The following ZNF782 variants were observed in gnomAD, a reference collection of about 807,000 sequenced individuals.
The protein encoded by ZNF782 is zinc finger protein 782.
A neutral mutation model predicts 13.0 loss-of-function variants in ZNF782; 12 were observed. The ratio of observed to expected loss-of-function variants is 0.92; its 90% CI spans 0.59 to 1.50. The LOEUF (loss-of-function observed/expected upper bound fraction) is 1.50, where lower values mean the gene tolerates loss of function less well. Ranked by LOEUF, ZNF782 falls within the 40% of genes most tolerant of loss-of-function variation. The probability of loss-of-function intolerance (pLI) is 0.00; values close to 1 mark genes in which losing one functional copy is unlikely to be tolerated. For synonymous variants in ZNF782, 284 were observed against 283.0 expected, an observed-to-expected ratio of 1.00 and a Z score of -0.04; for missense variants, 770 against 822.9, an observed-to-expected ratio of 0.94 and a Z score of 0.79.
chr9:96,837,354 A>G (rs903994626), intron 4 of ZNF782, among the ~76,000 whole-genome samples: 1 of 152,108 alleles, frequency 6.6e-6, no homozygotes, highest in Admixed American at 6.6e-5. Flanking sequence ...CTTTATAATC[A>G]GTTTTATTTC....
the ZNF782 span, among the ~76,000 whole-genome samples, chr9:96,912,051 A>C: frequency 2.6e-5 from 4 of 151,100 alleles, no homozygotes; most frequent in African/African-American, 9.7e-5. Flanking sequence ...AATACAAAAA[A>C]TCAGCCGGGC....
the ZNF782 span, among the ~76,000 whole-genome samples, chr9:96,911,728 G>A: frequency 6.6e-6 from 1 of 151,382 alleles, no homozygotes; most frequent in Non-Finnish European, 1.5e-5. Context: ...CACCGTGTTA[G>A]CGAGGATGGT....
At position 96,817,768 on chromosome 9, in the gene ZNF782, T is replaced by A. The variant is rs770944901; in HGVS notation, c.*155A>T. ...GCCCATATAAAATAGATTTCAACAA[T>A]TTATCTTCTATTCTTTGATATTTGG... On this transcript the variant is annotated 3_prime_UTR_variant, in exon 6 of 6. Transcript: ENST00000481138. 38 of 641,152 alleles carry A rather than the reference T, an allele frequency of 5.9e-5. No homozygotes were observed. The highest frequency in any genetic ancestry group is 8.6e-5 in the Non-Finnish European group (35 of 405,598). The allele number at this position is 641,152 out of a possible 1,614,324, so 39.7% of individuals were successfully genotyped here. A position where few individuals can be genotyped will look rare whatever the true frequency, so the allele number is the denominator to read the frequency against.
At chr9:96,820,542 CTTT>C (rs375716425) in intron 5 of ZNF782, among the ~76,000 whole-genome samples, 44 of 137,802 alleles carry the variant, frequency 3.2e-4, no homozygotes, top group African/African-American at 1.1e-3. Context: ...AATAGTGAAT[CTTT>C]TTTTTTTTTT....
rs141779129 is a variant in ZNF782 at position 96,867,086 on chromosome 9, G to A, written c.-456-5483C>T. On this transcript the variant is annotated intron_variant, in intron 1 of 5. Transcript: ENST00000498811. ...TGCTGAAATGAGTTAAGACTTTAGGGAACTGTTGGGAAGGCATGATTGGTT... is the reference window on the plus strand; with the variant it reads ...TGCTGAAATGAGTTAAGACTTTAGGAAACTGTTGGGAAGGCATGATTGGTT... 9.2e-3 allele frequency among the ~76,000 whole-genome samples: 1,405 copies of A among 152,296 alleles called. 51 individuals are homozygous for A. In the East Asian group the frequency reaches 0.1, roughly 11 times the overall value.
chr9:96,848,402 T>C (rs911625785), intron 3 of ZNF782, among the ~76,000 whole-genome samples: 4 of 152,166 alleles, frequency 2.6e-5, no homozygotes, highest in Admixed American at 6.5e-5. Flanking sequence ...TATGATCATA[T>C]ACCTAGAAAA....
intron 4 of ZNF782, among the ~76,000 whole-genome samples, chr9:96,839,407 C>T (rs1454242748): frequency 6.6e-6 from 1 of 151,014 alleles, no homozygotes; most frequent in Admixed American, 6.6e-5. Context: ...GTCCTTCTCT[C>T]ACTGTTCAAA....
Position 96,844,964 on chromosome 9 carries a change from T to C in ZNF782, c.68A>G (p.Gln23Arg). The C allele has an allele frequency of 6.2e-7, 1 of 1,614,058 alleles. No individual in the cohort carries two copies. The highest frequency in any genetic ancestry group is 8.5e-7 in the Non-Finnish European group (1 of 1,179,968). Reference sequence around the variant, plus strand: ...GGTCCTCTCAACAGGGCCCATGTGCTGCCACTCCTCCTGGCTGAATTCCAC... The same window carrying C: ...GGTCCTCTCAACAGGGCCCATGTGCCGCCACTCCTCCTGGCTGAATTCCAC... The part of the protein sequence containing the change: ...VTVEFSQEEW[Q>R]HMGPVERTLY... The change falls in exon 4 of 6, where the codon CAG becomes CGG. Residue 23 changes from glutamine (Q) to arginine (R), a missense_variant. Gln to Arg is a conservative substitution (Grantham distance 43). Coordinates refer to ENST00000481138, the MANE Select transcript of ZNF782 (RefSeq NM_001001662.3).
chr9:96,891,270 A>G, the ZNF782 span: 2 of 152,280 alleles, frequency 1.3e-5, no homozygotes, highest in South Asian at 4.1e-4. Flanking sequence ...AAAATAATAC[A>G]TTTATATTAT....
chr9:96,916,613 T>C, the ZNF782 span, among the ~76,000 whole-genome samples: 13 of 152,196 alleles, frequency 8.5e-5, no homozygotes, highest in African/African-American at 2.6e-4. Flanking sequence ...GTTAGACTTC[T>C]TCCTCCAAGG....
chr9:96,902,165 G>A, the ZNF782 span, among the ~76,000 whole-genome samples: 1 of 152,064 alleles, frequency 6.6e-6, no homozygotes, highest in Non-Finnish European at 1.5e-5. Context: ...CGAGCGCAGT[G>A]GCTCACACCT....
At chr9:96,834,159 C>T (rs1346995180) in intron 4 of ZNF782, among the ~76,000 whole-genome samples, 2 of 152,194 alleles carry the variant, frequency 1.3e-5, no homozygotes, top group African/African-American at 4.8e-5. Flanking sequence ...TTGTAGTTCC[C>T]ATAATCCCCA....
chr9:96,818,532 T>C lies in ZNF782; in HGVS notation c.1491A>G (p.Arg497=). 6.2e-7 allele frequency: 1 copy of C among 1,613,104 alleles called. No individual in the cohort carries two copies. The highest frequency in any genetic ancestry group is 8.5e-7 in the Non-Finnish European group (1 of 1,179,796). ...ATGGTCTTTCCCCTGTGTGAGTTCT[T>C]CGGTGATTCCTTAGGCCTGACATAT... is the stretch of plus-strand genomic sequence containing the variant. ...FSHMSGLRNH[R]RTHTGERPYK... Residue 497 remains arginine, a synonymous_variant, in exon 6 of 6, where the codon CGA becomes CGG. Coordinates refer to ENST00000481138, the MANE Select transcript of ZNF782 (RefSeq NM_001001662.3).
the ZNF782 span, chr9:96,931,592 T>A: frequency 1.3e-6 from 1 of 779,502 alleles, no homozygotes; most frequent in African/African-American, 1.8e-5. Context: ...TGATGCACAC[T>A]CAGGGACACT....
chr9:96,877,541 C>G (rs1428953993), upstream of ZNF782, among the ~76,000 whole-genome samples: 1 of 152,244 alleles, frequency 6.6e-6, no homozygotes, highest in Non-Finnish European at 1.5e-5. Flanking sequence ...TCCCGCCTGG[C>G]TCCGCCAAGA....
In ZNF782 at chr9:96,852,030, A is replaced by ACACGGTCT. The variant is rs1368607342; in HGVS notation, c.-44-33_-44-26dup. 4.6e-6 allele frequency: 7 copies of ACACGGTCT among 1,522,244 alleles called. No homozygotes were observed. In the African/African-American group the frequency reaches 5.5e-5, roughly 12 times the overall value. 94.3% of individuals were successfully genotyped at this position (1,522,244 alleles called of 1,614,324 possible). A position where few individuals can be genotyped will look rare whatever the true frequency, so the allele number is the denominator to read the frequency against. ...GCTGGGGGGACAGAAAGAGGATGTC[A>ACACGGTCT]CACGGTCTCGCCTACCTCACAGCTC... On this transcript the variant is annotated intron_variant, in intron 2 of 5. Coordinates refer to ENST00000481138, the MANE Select transcript of ZNF782 (RefSeq NM_001001662.3).
chr9:96,889,358 G>A, the ZNF782 span: 2 of 152,020 alleles, frequency 1.3e-5, no homozygotes, highest in Non-Finnish European at 2.9e-5. Context: ...GGGTGCCCAA[G>A]TCAGGTTGTT....
In ZNF782 at chr9:96,816,986, C is replaced by A. The variant is rs933233176; in HGVS notation, c.*937G>T. The A allele has an allele frequency of 1.3e-5, 2 of 152,138 alleles. No homozygotes were observed. The highest frequency in any genetic ancestry group is 4.8e-5 in the African/African-American group (2 of 41,426). The allele number at this position is 152,138 out of a possible 1,614,324, so 9.4% of individuals were successfully genotyped here. On this transcript the variant is annotated 3_prime_UTR_variant, in exon 6 of 6. Transcript: ENST00000481138. Reference sequence around the variant, plus strand: ...CTGTCAGTATCAAGTATACCCAAACCTTTAGAAGTTCAGCAGGGAACACAT... The same window carrying A: ...CTGTCAGTATCAAGTATACCCAAACATTTAGAAGTTCAGCAGGGAACACAT...
At chr9:96,875,922 TAG>T (rs1398599214), upstream of ZNF782, among the ~76,000 whole-genome samples, 5 of 152,328 alleles carry the variant, frequency 3.3e-5, no homozygotes, top group Non-Finnish European at 5.9e-5. Flanking sequence ...GACCCTTTCC[TAG>T]AGTGTGGCGC....
Sources: gnomAD v4.1 joint callset for allele counts (sites outside exome capture counted in the v4.1 genomes callset) on GRCh38, gnomAD v4.1.1 for gene constraint, MANE v1.5 for transcripts, NCBI Gene and HGNC (gene_info 2026-07-23, HGNC 2026-07-21) for gene names.